SUPV3L1: variants seen among roughly 807,000 people sequenced by gnomAD.
SUPV3L1 encodes the protein ATP-dependent RNA helicase SUPV3L1, mitochondrial.
In SUPV3L1, 35 loss-of-function variants were observed where a neutral mutation model predicts 70.0. The observed-to-expected ratio is 0.50, with a 90% CI of 0.38 to 0.66. SUPV3L1 has a LOEUF of 0.66. SUPV3L1 is among the 30% of genes least tolerant of loss of function. The pLI is 0.00. For missense variants in SUPV3L1, 777 were observed against 961.5 expected, an observed-to-expected ratio of 0.81 and a Z score of 2.54; for synonymous variants, 364 against 341.9, an observed-to-expected ratio of 1.06 and a Z score of -0.71.
At chr10:69,184,530 T>G (rs949215929) in intron 1 of SUPV3L1, among the ~76,000 whole-genome samples, 3 of 151,730 alleles carry the variant, frequency 2.0e-5, no homozygotes, top group Non-Finnish European at 4.4e-5. Context: ...AGTGAAACAC[T>G]GTCTCCAAGA....
chr10:69,187,821 AT>A (rs889661778), intron 4 of SUPV3L1, 65 bp downstream of exon 4: 1,221 of 1,016,560 alleles, frequency 1.2e-3, no homozygotes, highest in Non-Finnish European at 1.4e-3. Flanking sequence ...CGTGGTCATT[AT>A]TTTTTTTTAT....
intron 7 of SUPV3L1, 88 bp downstream of exon 7, chr10:69,195,353 G>C: frequency 1.1e-6 from 1 of 930,812 alleles, no homozygotes; most frequent in Non-Finnish European, 1.6e-6. Flanking sequence ...CAACCAAATA[G>C]AGTCACCTAG....
intron 5 of SUPV3L1, among the ~76,000 whole-genome samples, chr10:69,189,646 C>CTTTTTTTT (rs34718589): frequency 1.6e-5 from 2 of 125,046 alleles, no homozygotes; most frequent in Non-Finnish European, 1.6e-5. Context: ...GCTATCAATT[C>CTTTTTTTT]TTTTTTTTTT....
In SUPV3L1 at chr10:69,189,221, G is replaced by A. The variant is rs1842319266; in HGVS notation, c.573-46G>A. Reference sequence around the variant, plus strand: ...TTCATTTGCTGTCTTTGCCAGGATGGATTTTGAGGTTAATGGATTAAGCTG... The same window carrying A: ...TTCATTTGCTGTCTTTGCCAGGATGAATTTTGAGGTTAATGGATTAAGCTG... On this transcript the variant is annotated intron_variant, in intron 4 of 14. Coordinates refer to ENST00000359655, the MANE Select transcript of SUPV3L1 (RefSeq NM_003171.5). The A allele has an allele frequency of 4.5e-6, 7 of 1,549,336 alleles. No individual in the cohort carries two copies. In the East Asian group the frequency reaches 1.6e-4, roughly 36 times the overall value.
At chr10:69,195,661 A>T (rs1177115587) in intron 7 of SUPV3L1, among the ~76,000 whole-genome samples, 1 of 152,200 alleles carries the variant, frequency 6.6e-6, no homozygotes, top group Non-Finnish European at 1.5e-5. Flanking sequence ...TCTCTATTGA[A>T]GGGCAATACT....
intron 11 of SUPV3L1, among the ~76,000 whole-genome samples, chr10:69,202,053 A>C (rs373684176): frequency 4.1e-5 from 6 of 147,320 alleles, no homozygotes; most frequent in South Asian, 4.4e-4. Flanking sequence ...GTTGGGCAGG[A>C]TGGTCTCAAT....
At chr10:69,197,964 A>G (rs1367300304) in intron 8 of SUPV3L1, among the ~76,000 whole-genome samples, 1 of 152,228 alleles carries the variant, frequency 6.6e-6, no homozygotes, top group Admixed American at 6.5e-5. Flanking sequence ...GTGTTTTGCC[A>G]TTCTTAGCTT....
At chr10:69,202,622 T>C in intron 12 of SUPV3L1, 103 bp downstream of exon 12, 1 of 1,257,398 alleles carries the variant, frequency 8.0e-7, no homozygotes, top group Non-Finnish European at 1.1e-6. Flanking sequence ...CTTTGAGAAG[T>C]TGCTATTTAT....
chr10:69,182,987 C>G (rs1319564861), intron 1 of SUPV3L1, among the ~76,000 whole-genome samples: 2 of 152,152 alleles, frequency 1.3e-5, no homozygotes, highest in African/African-American at 4.8e-5. Flanking sequence ...TTTGTCTCTA[C>G]CCTGGACCTC....
intron 1 of SUPV3L1, 111 bp from the exon 2 acceptor site, chr10:69,185,876 G>A (rs1231318739): frequency 2.5e-6 from 2 of 791,140 alleles, no homozygotes; most frequent in East Asian, 2.4e-5. Context: ...TCTAGTTCTT[G>A]CAACACTCAT....
intron 8 of SUPV3L1, 131 bp from the exon 9 acceptor site, chr10:69,198,241 T>C (rs948095058): frequency 1.7e-5 from 12 of 691,296 alleles, no homozygotes; most frequent in Non-Finnish European, 2.8e-5. Context: ...TTTCTGTGTT[T>C]TCTTTTGAAA....
intron 3 of SUPV3L1, 33 bp downstream of exon 3, chr10:69,186,583 G>A: frequency 6.6e-7 from 1 of 1,523,772 alleles, no homozygotes. Context: ...AAATCCTATT[G>A]AACATACCTT....
chr10:69,188,075 A>G (rs1239615533), intron 4 of SUPV3L1, among the ~76,000 whole-genome samples: 6 of 152,228 alleles, frequency 3.9e-5, no homozygotes, highest in African/African-American at 7.2e-5. Context: ...TCTTTCCACC[A>G]TGGCTGGAAC....
At chr10:69,197,562 A>G (rs532680611) in intron 8 of SUPV3L1, among the ~76,000 whole-genome samples, 1 of 151,786 alleles carries the variant, frequency 6.6e-6, no homozygotes, top group Admixed American at 6.6e-5. Context: ...TAGTAAAATG[A>G]ATTATTATTA....
intron 13 of SUPV3L1, among the ~76,000 whole-genome samples, chr10:69,206,252 C>T (rs947980496): frequency 2.0e-5 from 3 of 152,208 alleles, no homozygotes; most frequent in Non-Finnish European, 4.4e-5. Flanking sequence ...TTAAACTTAG[C>T]AGAGTGGACC....
intron 2 of SUPV3L1, 57 bp downstream of exon 2, chr10:69,186,121 G>T: frequency 6.7e-7 from 1 of 1,483,516 alleles, no homozygotes; most frequent in South Asian, 1.1e-5. Context: ...GTACAGCTTG[G>T]TCAGGACTGT....
chr10:69,187,567 G>T, intron 3 of SUPV3L1, 75 bp from the exon 4 acceptor site: 1 of 1,120,566 alleles, frequency 8.9e-7, no homozygotes, highest in South Asian at 1.5e-5. Flanking sequence ...AGCTTGTTAA[G>T]AAAAAAGATT....
intron 8 of SUPV3L1, among the ~76,000 whole-genome samples, chr10:69,197,665 A>G (rs1842576484): frequency 6.6e-6 from 1 of 152,000 alleles, no homozygotes; most frequent in Non-Finnish European, 1.5e-5. Flanking sequence ...AGCCTCCTGG[A>G]CTCAAGTGAT....
chr10:69,185,358 C>T (rs942949932), intron 1 of SUPV3L1, among the ~76,000 whole-genome samples: 3 of 152,152 alleles, frequency 2.0e-5, no homozygotes, highest in Non-Finnish European at 4.4e-5. Flanking sequence ...TTTGGATGTG[C>T]AGAATCGTTA....
Sources: gnomAD v4.1 joint callset for allele counts (sites outside exome capture counted in the v4.1 genomes callset) on GRCh38, gnomAD v4.1.1 for gene constraint, MANE v1.5 for transcripts, NCBI Gene and HGNC (gene_info 2026-07-23, HGNC 2026-07-21) for gene names.